Variants in ARHGAP15 observed in about 807,000 individuals in gnomAD.
ARHGAP15 encodes rho GTPase-activating protein 15.
In ARHGAP15, 51 loss-of-function variants were observed where a neutral mutation model predicts 63.7. That is an observed-to-expected ratio of 0.80 (90% CI 0.64 to 1.01). The LOEUF (loss-of-function observed/expected upper bound fraction) is 1.01. Ranked by LOEUF, ARHGAP15 falls within the 50% of genes least tolerant of loss-of-function variation. The pLI is 0.00. For missense variants in ARHGAP15, 560 were observed against 564.6 expected (o/e 0.99, Z 0.08); for synonymous variants, 191 against 193.8 (o/e 0.99, Z 0.12).
chr2:143,231,118 T>C (rs557841871), intron 5 of ARHGAP15, among the ~76,000 whole-genome samples: 9 of 145,652 alleles, frequency 6.2e-5, no homozygotes, highest in Admixed American at 5.1e-4. Flanking sequence ...CATTACTCAC[T>C]TCTTTGAGCT....
intron 11 of ARHGAP15, among the ~76,000 whole-genome samples, chr2:143,593,994 A>C (rs1697415195): frequency 6.6e-6 from 1 of 152,220 alleles, no homozygotes; most frequent in Admixed American, 6.6e-5. Flanking sequence ...TTTAACTCTT[A>C]AGCAGAAATG....
intron 11 of ARHGAP15, among the ~76,000 whole-genome samples, chr2:143,577,948 A>G (rs1199419469): frequency 6.6e-6 from 1 of 152,202 alleles, no homozygotes; most frequent in Non-Finnish European, 1.5e-5. Context: ...GACTGTACAG[A>G]TAGAAGAGAT....
chr2:143,257,653 C>A (rs1243086847), intron 6 of ARHGAP15, among the ~76,000 whole-genome samples: 1 of 152,082 alleles, frequency 6.6e-6, no homozygotes, highest in Non-Finnish European at 1.5e-5. Flanking sequence ...TTTGGTAGAG[C>A]TAGTGTGGTA....
chr2:143,305,720 T>C (rs1683137567), intron 6 of ARHGAP15, among the ~76,000 whole-genome samples: 1 of 152,100 alleles, frequency 6.6e-6, no homozygotes, highest in Non-Finnish European at 1.5e-5. Flanking sequence ...AATCTTCTTA[T>C]TGCAGCGTTT....
chr2:143,703,367 A>G, intron 12 of ARHGAP15, 52 bp from the exon 13 acceptor site: 1 of 1,480,406 alleles, frequency 6.8e-7, no homozygotes, highest in East Asian at 2.3e-5. Flanking sequence ...ATGTACCTGT[A>G]CCTATGAAAT....
chr2:143,549,791 C>T (rs1261663970), intron 10 of ARHGAP15, among the ~76,000 whole-genome samples: 1 of 152,160 alleles, frequency 6.6e-6, no homozygotes, highest in East Asian at 1.9e-4. Context: ...CTCTATATCC[C>T]AAGTTAAGTC....
intron 6 of ARHGAP15, among the ~76,000 whole-genome samples, chr2:143,269,092 T>C (rs1216793941): frequency 6.6e-6 from 1 of 152,162 alleles, no homozygotes; most frequent in Non-Finnish European, 1.5e-5. Flanking sequence ...AATATTTCTA[T>C]GCTAACATCT....
intron 12 of ARHGAP15, among the ~76,000 whole-genome samples, chr2:143,646,032 G>A (rs916384323): frequency 1.3e-5 from 2 of 152,050 alleles, no homozygotes; most frequent in Admixed American, 6.6e-5. Context: ...ATGTACTGAA[G>A]GATTTCTTCA....
At chr2:143,487,236 C>T in intron 8 of ARHGAP15, 137 bp from the exon 9 acceptor site, 1 of 986,980 alleles carries the variant, frequency 1.0e-6, no homozygotes, top group South Asian at 1.9e-5. Flanking sequence ...ACTCACATGG[C>T]TTGTTGTAGA....
intron 13 of ARHGAP15, among the ~76,000 whole-genome samples, chr2:143,757,903 G>A (rs1332136362): frequency 6.6e-6 from 1 of 151,996 alleles, no homozygotes; most frequent in Non-Finnish European, 1.5e-5. Flanking sequence ...AAGAACTTAA[G>A]TAAATAAAAT....
intron 9 of ARHGAP15, among the ~76,000 whole-genome samples, chr2:143,494,629 A>C (rs1447081943): frequency 6.6e-6 from 1 of 151,918 alleles, no homozygotes; most frequent in East Asian, 1.9e-4. Flanking sequence ...CCTTTATTTG[A>C]TTCATTCTAT....
At chr2:143,669,403 T>A (rs1682402809) in intron 12 of ARHGAP15, among the ~76,000 whole-genome samples, 1 of 152,176 alleles carries the variant, frequency 6.6e-6, no homozygotes, top group Non-Finnish European at 1.5e-5. Flanking sequence ...AAGCACAAAC[T>A]TAGATCTAAT....
chr2:143,196,379 A>C (rs1480011509), intron 2 of ARHGAP15, among the ~76,000 whole-genome samples: 1 of 152,110 alleles, frequency 6.6e-6, no homozygotes, highest in Non-Finnish European at 1.5e-5. Flanking sequence ...AAATAGTGCC[A>C]TTGAAAACAA....
chr2:143,175,100 A>T (rs1015804542), intron 2 of ARHGAP15, among the ~76,000 whole-genome samples: 1 of 152,104 alleles, frequency 6.6e-6, no homozygotes, highest in Non-Finnish European at 1.5e-5. Context: ...GACTATGCAT[A>T]CATAGAAAGA....
At chr2:143,681,314 G>A (rs914551127) in intron 12 of ARHGAP15, among the ~76,000 whole-genome samples, 4 of 151,956 alleles carry the variant, frequency 2.6e-5, no homozygotes, top group Non-Finnish European at 5.9e-5. Context: ...AGAATCCCTG[G>A]GCCTTTATGT....
chr2:143,649,914 C>T (rs1051224235), intron 12 of ARHGAP15, among the ~76,000 whole-genome samples: 2 of 151,868 alleles, frequency 1.3e-5, no homozygotes, highest in Non-Finnish European at 2.9e-5. Context: ...CTATAAAGTA[C>T]ATTACACTTT....
At chr2:143,659,536 A>C (rs1303045846) in intron 12 of ARHGAP15, among the ~76,000 whole-genome samples, 1 of 152,130 alleles carries the variant, frequency 6.6e-6, no homozygotes, top group Non-Finnish European at 1.5e-5. Context: ...CCAGTCTGAT[A>C]GCTCTTAGTT....
intron 6 of ARHGAP15, among the ~76,000 whole-genome samples, chr2:143,274,069 A>C (rs529633294): frequency 6.6e-6 from 1 of 152,152 alleles, no homozygotes; most frequent in Non-Finnish European, 1.5e-5. Context: ...TATCCTTTAA[A>C]ATTTTTAAGT....
At chr2:143,710,586 A>G (rs571537108) in intron 13 of ARHGAP15, among the ~76,000 whole-genome samples, 40 of 152,324 alleles carry the variant, frequency 2.6e-4, no homozygotes, top group Admixed American at 3.9e-4. Flanking sequence ...TAACATTTGA[A>G]TGGTAACATT....
Sources: allele counts gnomAD v4.1 joint callset (sites outside exome capture counted in the v4.1 genomes callset), GRCh38; gene constraint gnomAD v4.1.1; transcripts MANE v1.5; gene names NCBI Gene and HGNC (gene_info 2026-07-23, HGNC 2026-07-21).